Variants in SYBU observed in about 807,000 individuals in gnomAD.
SYBU encodes the protein syntabulin.
Under a neutral mutation model 35.9 loss-of-function variants are expected in SYBU, and 21 were observed. That is an observed-to-expected ratio of 0.58 (90% CI 0.41 to 0.84). SYBU has a LOEUF of 0.84. Among genes scored for constraint, SYBU ranks in the 40% least tolerant of loss-of-function variants. The pLI, the probability that SYBU is intolerant of heterozygous loss-of-function variation, is 0.00. For synonymous variants in SYBU, 319 were observed against 324.3 expected (o/e 0.98, Z 0.18); for missense variants, 768 against 848.2 (o/e 0.91, Z 1.17).
At chr8:109,626,694 G>A (rs1363007589) in intron 2 of SYBU, among the ~76,000 whole-genome samples, 2 of 152,086 alleles carry the variant, frequency 1.3e-5, no homozygotes, top group Non-Finnish European at 2.9e-5. Context: ...CAGATCCCTT[G>A]AACCCAGGAG....
At chr8:109,677,670 C>T (rs756092359) in intron 1 of SYBU, among the ~76,000 whole-genome samples, 4 of 152,178 alleles carry the variant, frequency 2.6e-5, no homozygotes, top group Non-Finnish European at 4.4e-5. Context: ...TTTTATCATG[C>T]ATTATATCTT....
At chr8:109,589,797 C>A (rs750441444) in intron 3 of SYBU, among the ~76,000 whole-genome samples, 10 of 152,128 alleles carry the variant, frequency 6.6e-5, no homozygotes, top group Non-Finnish European at 1.2e-4. Flanking sequence ...TCTCTTAGGA[C>A]ATTATTAATT....
upstream of SYBU, among the ~76,000 whole-genome samples, chr8:109,682,100 T>G (rs189435005): frequency 2.1e-4 from 32 of 152,320 alleles, no homozygotes; most frequent in African/African-American, 7.5e-4. Context: ...TATGTCTTTA[T>G]TAGCAGCACG....
chr8:109,586,190 G>C (rs73702895), intron 3 of SYBU, 28 bp from the exon 4 acceptor site: 2 of 1,523,498 alleles, frequency 1.3e-6, no homozygotes, highest in Non-Finnish European at 1.8e-6. Flanking sequence ...AGAGAGAAGC[G>C]TGAGGGAAAG....
intron 6 of SYBU, among the ~76,000 whole-genome samples, chr8:109,577,658 C>T (rs1034854544): frequency 1.3e-5 from 2 of 152,154 alleles, no homozygotes; most frequent in Non-Finnish European, 2.9e-5. Context: ...CAAAGGTTCC[C>T]CTCTAACCTA....
intron 2 of SYBU, among the ~76,000 whole-genome samples, chr8:109,639,591 T>A (rs1488219361): frequency 1.3e-5 from 2 of 152,214 alleles, no homozygotes; most frequent in Non-Finnish European, 2.9e-5. Context: ...TACAGGAGGA[T>A]TACTGGAAGG....
At chr8:109,595,967 A>G (rs576526692) in intron 3 of SYBU, among the ~76,000 whole-genome samples, 1 of 152,344 alleles carries the variant, frequency 6.6e-6, no homozygotes, top group Admixed American at 6.5e-5. Flanking sequence ...AGAGAGGTGA[A>G]AATGAAAGAA....
chr8:109,611,604 T>C (rs1811180363), intron 3 of SYBU, among the ~76,000 whole-genome samples: 1 of 152,220 alleles, frequency 6.6e-6, no homozygotes, highest in Non-Finnish European at 1.5e-5. Flanking sequence ...TAGAGATCTA[T>C]TTCAGTATAA....
At chr8:109,682,787 T>C (rs1817431178), upstream of SYBU, among the ~76,000 whole-genome samples, 1 of 152,028 alleles carries the variant, frequency 6.6e-6, no homozygotes, top group African/African-American at 2.4e-5. Context: ...AGAGGCCTAG[T>C]AGGAAAAAAA....
At chr8:109,602,652 C>T (rs1027538548) in intron 3 of SYBU, among the ~76,000 whole-genome samples, 18 of 151,960 alleles carry the variant, frequency 1.2e-4, no homozygotes, top group Non-Finnish European at 8.8e-5. Context: ...AGGCTGGTCT[C>T]GAACTCCTGA....
At chr8:109,582,825 G>C (rs1288562725) in intron 4 of SYBU, among the ~76,000 whole-genome samples, 2 of 152,138 alleles carry the variant, frequency 1.3e-5, no homozygotes, top group Non-Finnish European at 2.9e-5. Context: ...AGTTTAACTG[G>C]TGTCCTTATA....
chr8:109,671,199 T>C (rs558811009), intron 1 of SYBU, among the ~76,000 whole-genome samples: 2 of 152,326 alleles, frequency 1.3e-5, no homozygotes, highest in Admixed American at 6.5e-5. Context: ...GTCAAAATCA[T>C]TAAATTCAAG....
chr8:109,644,898 G>A (rs1815451699), upstream of SYBU: 1 of 550,636 alleles, frequency 1.8e-6, no homozygotes, highest in Non-Finnish European at 3.2e-6. Flanking sequence ...CTCCTGGGGC[G>A]CCTCCCACGC....
intron 2 of SYBU, among the ~76,000 whole-genome samples, chr8:109,634,378 A>T (rs1813980781): frequency 6.6e-6 from 1 of 152,198 alleles, no homozygotes; most frequent in Admixed American, 6.5e-5. Context: ...TAAACTCCTC[A>T]GGACAGGAAT....
In SYBU at chr8:109,644,758, G is replaced by C. The variant is rs972398950; in HGVS notation, c.-99C>G. On this transcript the variant is annotated 5_prime_UTR_variant, in exon 1 of 7. Transcript: ENST00000276646. The stretch of plus-strand genomic sequence containing the variant: ...AGGAGACTGCGCTGAGCCGGCGCGG[G>C]CTGCGGGCGGCGGCTCTTGGTGAGG... The C allele has an allele frequency of 8.4e-7, 1 of 1,196,980 alleles. No individual in the cohort carries two copies. Among genetic ancestry groups the C allele is most frequent in the Non-Finnish European group, 1.1e-6 (1 of 927,336 alleles). The allele number at this position is 1,196,980 out of a possible 1,614,324, so 74.1% of individuals were successfully genotyped here.
Position 109,691,598 on chromosome 8 carries a change from G to A in SYBU, c.-323C>T, listed in dbSNP as rs1406730228. 1 of 426,470 alleles carries A rather than the reference G, an allele frequency of 2.3e-6. No individual in the cohort carries two copies. Among genetic ancestry groups the A allele is most frequent in the Non-Finnish European group, 4.1e-6 (1 of 243,610 alleles). The allele number at this position is 426,470 out of a possible 1,614,324, so 26.4% of individuals were successfully genotyped here. Reference sequence around the variant, plus strand: ...CAGCCGGGCGGCTGCTGGGGCTGAGGACAAAATGGAGAGAAGGGCGGGGGA... The same window carrying A: ...CAGCCGGGCGGCTGCTGGGGCTGAGAACAAAATGGAGAGAAGGGCGGGGGA... On this transcript the variant is annotated 5_prime_UTR_variant, in exon 1 of 8. Coordinates refer to the SYBU transcript ENST00000422135. The surrounding 1 kb of genome is among the most constrained non-coding windows in gnomAD (Gnocchi z 4.7).
At chr8:109,582,815 A>G (rs1177408447) in intron 4 of SYBU, among the ~76,000 whole-genome samples, 1 of 152,222 alleles carries the variant, frequency 6.6e-6, no homozygotes, top group Non-Finnish European at 1.5e-5. Flanking sequence ...GCCCTAATCC[A>G]GTTTAACTGG....
chr8:109,632,882 G>A (rs958623888), intron 2 of SYBU, among the ~76,000 whole-genome samples: 1 of 152,234 alleles, frequency 6.6e-6, no homozygotes, highest in African/African-American at 2.4e-5. Context: ...TACAGGTACT[G>A]CCTGGAATAT....
At chr8:109,597,885 A>C (rs553529562) in intron 3 of SYBU, among the ~76,000 whole-genome samples, 33 of 152,222 alleles carry the variant, frequency 2.2e-4, no homozygotes, top group Non-Finnish European at 4.3e-4. Context: ...TGAGCGAGTC[A>C]GGCAATTATG....
Sources: gnomAD v4.1 joint callset for allele counts (sites outside exome capture counted in the v4.1 genomes callset) on GRCh38, gnomAD v4.1.1 for gene constraint, Gnocchi (gnomAD v3.1) non-coding constraint, MANE v1.5 for transcripts, NCBI Gene and HGNC (gene_info 2026-07-23, HGNC 2026-07-21) for gene names.